The following KIF3A variants were observed in gnomAD, a reference collection of about 807,000 sequenced individuals.
KIF3A encodes the protein kinesin-like protein KIF3A.
KIF3A carries 27 observed loss-of-function variants against 92.6 expected under a neutral mutation model. The observed-to-expected ratio is 0.29, with a 90% confidence interval of 0.21 to 0.40. The LOEUF is 0.40. Ranked by LOEUF, KIF3A falls within the 10% of genes least tolerant of loss-of-function variation. KIF3A has a pLI of 1.00. For missense variants in KIF3A, 581 were observed against 872.6 expected (o/e 0.67, Z 4.21); for synonymous variants, 250 against 275.4 (o/e 0.91, Z 0.92).
intron 1 of KIF3A, chr5:132,736,840 G>A: frequency 7.1e-6 from 3 of 424,020 alleles, no homozygotes; most frequent in Non-Finnish European, 9.5e-6. Context: ...TTAAGTTCAC[G>A]ATAACAATCT....
intron 18 of KIF3A, chr5:132,697,633 G>C (rs1160857251): frequency 3.9e-5 from 6 of 152,176 alleles, no homozygotes; most frequent in African/African-American, 1.4e-4. Context: ...CTGGCCAACA[G>C]GGCAAAACCC....
At chr5:132,711,849 A>G (rs542322412) in intron 8 of KIF3A, among the ~76,000 whole-genome samples, 1 of 152,308 alleles carries the variant, frequency 6.6e-6, no homozygotes, top group South Asian at 2.1e-4. Flanking sequence ...AGAAGTGCTT[A>G]TTTGTACAAA....
At position 132,699,062 on chromosome 5, in the gene KIF3A, G is replaced by C. The variant is rs1254297742; in HGVS notation, c.2132+109C>G. 5.3e-6 allele frequency: 6 copies of C among 1,136,424 alleles called. No homozygotes were observed. The African/African-American group carries it at 7.8e-5, about 15-fold the overall frequency. The allele number at this position is 1,136,424 out of a possible 1,614,324, so 70.4% of individuals were successfully genotyped here. Reference sequence around the variant, plus strand: ...CAGGAATTTGATTTTTAATAAATCAGCCAAAATATGTATCATGTTTTAACT... The same window carrying C: ...CAGGAATTTGATTTTTAATAAATCACCCAAAATATGTATCATGTTTTAACT... On this transcript the variant is annotated intron_variant, in intron 18 of 18. Transcript: ENST00000403231.
At chr5:132,733,417 G>A (rs1374548197) in intron 2 of KIF3A, among the ~76,000 whole-genome samples, 1 of 152,098 alleles carries the variant, frequency 6.6e-6, no homozygotes, top group Non-Finnish European at 1.5e-5. Context: ...ATCAAAACAA[G>A]TGCAATACTT....
chr5:132,735,682 T>A (rs1754368671), intron 1 of KIF3A, among the ~76,000 whole-genome samples: 1 of 152,216 alleles, frequency 6.6e-6, no homozygotes, highest in African/African-American at 2.4e-5. Context: ...TACTCCTGAA[T>A]CTAATCAGAT....
intron 4 of KIF3A, among the ~76,000 whole-genome samples, chr5:132,724,830 T>C (rs868304730): frequency 5.2e-5 from 2 of 38,162 alleles, no homozygotes; most frequent in Non-Finnish European, 7.3e-5. Flanking sequence ...TATATATATA[T>C]ATATATATAT....
intron 2 of KIF3A, among the ~76,000 whole-genome samples, chr5:132,731,606 C>A (rs1357441352): frequency 6.6e-6 from 1 of 152,186 alleles, no homozygotes; most frequent in African/African-American, 2.4e-5. Flanking sequence ...ACTCTCACCA[C>A]TTCTAATTTA....
At chr5:132,720,264 T>C (rs954908491) in intron 5 of KIF3A, among the ~76,000 whole-genome samples, 2 of 152,212 alleles carry the variant, frequency 1.3e-5, no homozygotes, top group Non-Finnish European at 2.9e-5. Flanking sequence ...TAGTCTCCTG[T>C]GAGGACTAAG....
At chr5:132,722,855 C>T (rs1753871251) in intron 4 of KIF3A, among the ~76,000 whole-genome samples, 1 of 152,152 alleles carries the variant, frequency 6.6e-6, no homozygotes, top group Admixed American at 6.6e-5. Flanking sequence ...GCATTTGTAG[C>T]TGTTACAATT....
rs1341701880 is a variant in KIF3A, at chr5:132,694,679, G to T, written c.*1955C>A. 1 of 152,262 alleles carries T rather than the reference G, an allele frequency of 6.6e-6. No homozygotes were observed. The highest frequency in any genetic ancestry group is 1.5e-5 in the Non-Finnish European group (1 of 68,038). The allele number at this position is 152,262 out of a possible 1,614,324, so 9.4% of individuals were successfully genotyped here. On this transcript the variant is annotated 3_prime_UTR_variant, in exon 19 of 19. Coordinates refer to ENST00000403231, the MANE Select transcript of KIF3A (RefSeq NM_001300791.2). ...TTTCTTTAGAGTAATTACTAACAGA[G>T]TTAAATGTGTATCATCAAAAACATT... is the stretch of plus-strand genomic sequence containing the variant.
intron 15 of KIF3A, 117 bp from the exon 16 acceptor site, chr5:132,700,817 C>CCTG: frequency 1.8e-6 from 1 of 561,768 alleles, no homozygotes; most frequent in South Asian, 2.9e-5. Context: ...ACATTATATA[C>CCTG]TGATATAACC....
intron 1 of KIF3A, 49 bp downstream of exon 1, chr5:132,737,365 A>G (rs776048743): frequency 6.3e-7 from 1 of 1,580,248 alleles, no homozygotes; most frequent in East Asian, 2.5e-5. Flanking sequence ...CCCCCGGGCC[A>G]GGCCGCTAGG....
Position 132,700,695 on chromosome 5 carries a change from C to T in KIF3A, c.1890G>A (p.Met630Ile). The change falls in exon 16 of 19, where the codon ATG (methionine) becomes ATA (isoleucine). Residue 630 changes from methionine to isoleucine, a missense_variant. By Grantham distance (10) the Met-to-Ile change is conservative. Coordinates refer to ENST00000403231, the MANE Select transcript of KIF3A (RefSeq NM_001300791.2). ...CATTCCAATGGACATAGTTTTCAAT[C>T]ATTTCCTTTTAAAAGGGTGAAAGAT... ...DNFIPRDYQE[M>I]IENYVHWNED... is the part of the protein sequence containing the mutation. 6.3e-7 allele frequency: 1 copy of T among 1,589,894 alleles called. No individual in the cohort carries two copies.
intron 5 of KIF3A, among the ~76,000 whole-genome samples, chr5:132,717,824 T>G (rs1270354349): frequency 1.3e-5 from 2 of 152,158 alleles, no homozygotes; most frequent in Non-Finnish European, 2.9e-5. Context: ...TCATGCAGCA[T>G]TTTTCTGTGC....
At chr5:132,689,353 G>A (rs1581050741), downstream of KIF3A, among the ~76,000 whole-genome samples, 1 of 152,068 alleles carries the variant, frequency 6.6e-6, no homozygotes, top group Non-Finnish European at 1.5e-5. Context: ...TTTTAAAAAT[G>A]GATTCAAAGT....
chr5:132,712,728 C>A (rs1465464038), intron 8 of KIF3A, among the ~76,000 whole-genome samples: 1 of 152,084 alleles, frequency 6.6e-6, no homozygotes, highest in Non-Finnish European at 1.5e-5. Context: ...TTTGCAGGGT[C>A]ATTATAAAAG....
chr5:132,714,293 A>G (rs1345774881), intron 8 of KIF3A, among the ~76,000 whole-genome samples: 1 of 152,162 alleles, frequency 6.6e-6, no homozygotes, highest in Admixed American at 6.5e-5. Context: ...ATGGGTACAT[A>G]CTGTTTTTAA....
At chr5:132,710,823 A>T in intron 9 of KIF3A, 136 bp downstream of exon 9, 1 of 1,158,908 alleles carries the variant, frequency 8.6e-7, no homozygotes, top group Non-Finnish European at 1.2e-6. Flanking sequence ...AAAGTTAACC[A>T]GGTAAATGGC....
chr5:132,713,816 C>T (rs1204745309), intron 8 of KIF3A, among the ~76,000 whole-genome samples: 2 of 151,118 alleles, frequency 1.3e-5, no homozygotes, highest in East Asian at 1.9e-4. Flanking sequence ...TTCTACAACA[C>T]GGATGACCCT....
Sources: gnomAD v4.1 joint callset for allele counts (sites outside exome capture counted in the v4.1 genomes callset) on GRCh38, gnomAD v4.1.1 for gene constraint, MANE v1.5 for transcripts, NCBI Gene and HGNC (gene_info 2026-07-23, HGNC 2026-07-21) for gene names.